HIRA: variants seen among roughly 807,000 people sequenced by gnomAD.
HIRA encodes protein HIRA.
A neutral mutation model predicts 126.6 loss-of-function variants in HIRA; 13 were observed. That is an observed-to-expected ratio of 0.10 (90% CI 0.07 to 0.16). The LOEUF (loss-of-function observed/expected upper bound fraction) is 0.16, where lower values mean the gene tolerates loss of function less well. Ranked by LOEUF, HIRA falls within the 10% of genes least tolerant of loss-of-function variation. The pLI is 1.00. For synonymous variants in HIRA, 511 were observed against 520.0 expected (o/e 0.98, Z 0.24); for missense variants, 834 against 1,314.4 (o/e 0.63, Z 5.65).
At chr22:19,387,174 A>C (rs905109986) in intron 11 of HIRA, among the ~76,000 whole-genome samples, 1 of 151,930 alleles carries the variant, frequency 6.6e-6, no homozygotes, top group Non-Finnish European at 1.5e-5. Flanking sequence ...GGCCTTGTTC[A>C]CTCTTCTGAC....
At chr22:19,350,053 T>C (rs1426897488) in intron 24 of HIRA, among the ~76,000 whole-genome samples, 1 of 152,004 alleles carries the variant, frequency 6.6e-6, no homozygotes, top group African/African-American at 2.4e-5. Context: ...AGTGGCGCGA[T>C]CTTGGCTCAC....
intron 5 of HIRA, chr22:19,399,153 A>C (rs2089247049): frequency 3.0e-6 from 3 of 985,404 alleles, no homozygotes; most frequent in Non-Finnish European, 3.6e-6. Flanking sequence ...TGAAGGGCGC[A>C]GTCTTAGTTA....
At chr22:19,358,915 G>T (rs976069027) in intron 18 of HIRA, among the ~76,000 whole-genome samples, 1 of 152,148 alleles carries the variant, frequency 6.6e-6, no homozygotes, top group Admixed American at 6.5e-5. Flanking sequence ...GCATGGGCTG[G>T]GATGGGGACT....
intron 15 of HIRA, among the ~76,000 whole-genome samples, chr22:19,368,291 C>T (rs541971553): frequency 6.6e-6 from 1 of 152,202 alleles, no homozygotes; most frequent in East Asian, 1.9e-4. Context: ...AGACAAGAGG[C>T]CCATGACGCT....
At chr22:19,396,663 G>A (rs1442094003) in intron 7 of HIRA, 124 bp downstream of exon 7, 2 of 913,542 alleles carry the variant, frequency 2.2e-6, no homozygotes, top group East Asian at 4.8e-5. Flanking sequence ...ATCCGCTCAG[G>A]CCCCCGGACT....
chr22:19,351,262 G>A lies in HIRA; in HGVS notation c.2937+96C>T, dbSNP rs1251056434. The stretch of plus-strand genomic sequence containing the variant: ...AGGCTGGGTGCTGGAGAAGTCTAAC[G>A]GGACACAATTTCAAAGCACTTTGGC... On this transcript the variant is annotated intron_variant, in intron 24 of 24. Transcript: ENST00000263208. The surrounding 1 kb of genome is among the most constrained non-coding windows in gnomAD (Gnocchi z 4.8). 9.0e-5 allele frequency: 135 copies of A among 1,502,992 alleles called. 2 individuals are homozygous for A. The Middle Eastern group carries it at 3.5e-3, about 39-fold the overall frequency. 93.1% of individuals were successfully genotyped at this position (1,502,992 alleles called of 1,614,324 possible).
chr22:19,354,172 C>T (rs2088787432), intron 21 of HIRA, 54 bp from the exon 22 acceptor site: 6 of 1,566,246 alleles, frequency 3.8e-6, no homozygotes, highest in Non-Finnish European at 4.3e-6. Flanking sequence ...ATCTGGTTGG[C>T]CTCTTTGCCA....
At chr22:19,427,165 G>C (rs1601866141) in intron 1 of HIRA, among the ~76,000 whole-genome samples, 1 of 152,170 alleles carries the variant, frequency 6.6e-6, no homozygotes, top group Non-Finnish European at 1.5e-5. Context: ...GCTATACGAT[G>C]TTTAACAGAT....
chr22:19,377,653 T>C lies in HIRA; in HGVS notation c.1613+216A>G, dbSNP rs148091411. ...CAGCCTGACCCTCGGTCAGCCTTGA[T>C]ACACTCTGTGAAATCCTCAACAGTC... is the stretch of plus-strand genomic sequence containing the variant. On this transcript the variant is annotated intron_variant, in intron 14 of 24. Transcript: ENST00000263208. Among the ~76,000 whole-genome samples the C allele has an allele frequency of 5.5e-3, 845 of 152,312 alleles. 9 individuals are homozygous for C. Among genetic ancestry groups the C allele is most frequent in the African/African-American group, 0.018 (762 of 41,558 alleles).
At chr22:19,335,737 T>C (rs569626594) in intron 24 of HIRA, among the ~76,000 whole-genome samples, 29 of 152,294 alleles carry the variant, frequency 1.9e-4, no homozygotes, top group African/African-American at 7.0e-4. Flanking sequence ...CTCTCTCATA[T>C]AGCAAAGTAT....
At chr22:19,373,379 T>C (rs1352419697) in intron 15 of HIRA, among the ~76,000 whole-genome samples, 2 of 152,218 alleles carry the variant, frequency 1.3e-5, no homozygotes, top group Non-Finnish European at 2.9e-5. Flanking sequence ...GAAACCTAAG[T>C]CTCCCAGTAA....
At position 19,431,632 on chromosome 22, in the gene HIRA, G is replaced by T; in HGVS notation, c.-156C>A. 1.4e-6 allele frequency: 1 copy of T among 699,750 alleles called. No homozygotes were observed. The highest frequency in any genetic ancestry group is 1.8e-6 in the Non-Finnish European group (1 of 555,280). The allele number at this position is 699,750 out of a possible 1,614,324, so 43.3% of individuals were successfully genotyped here. A position where few individuals can be genotyped will look rare whatever the true frequency, so the allele number is the denominator to read the frequency against. On this transcript the variant is annotated 5_prime_UTR_variant, in exon 1 of 25. Coordinates refer to ENST00000263208, the MANE Select transcript of HIRA (RefSeq NM_003325.4). ...GGCCGCCGCGCCATCGCCGGCCCGC[G>T]CCCCCCTCCGCCGCCACAGCCGCCA... is the stretch of plus-strand genomic sequence containing the variant.
At chr22:19,358,205 G>C (rs537253706) in intron 18 of HIRA, among the ~76,000 whole-genome samples, 35 of 152,138 alleles carry the variant, frequency 2.3e-4, no homozygotes, top group Non-Finnish European at 4.8e-4. Context: ...TCAATATGTT[G>C]GCCAGGCTGG....
chr22:19,389,446 T>C (rs552825557), intron 9 of HIRA, among the ~76,000 whole-genome samples: 4 of 152,252 alleles, frequency 2.6e-5, no homozygotes, highest in African/African-American at 7.2e-5. Context: ...TGGGCTCCCA[T>C]AGGTGCTGCT....
At chr22:19,331,809 A>G (rs2088491178) in intron 24 of HIRA, among the ~76,000 whole-genome samples, 1 of 152,200 alleles carries the variant, frequency 6.6e-6, no homozygotes, top group Admixed American at 6.5e-5. Flanking sequence ...ATCCGTGGGC[A>G]CAGCCACTGC....
chr22:19,352,254 C>A (rs551119128), intron 23 of HIRA, among the ~76,000 whole-genome samples: 8 of 151,680 alleles, frequency 5.3e-5, no homozygotes, highest in Admixed American at 6.6e-5. Flanking sequence ...GGTGGCGGGG[C>A]GGAGAGGAGG....
chr22:19,396,688 G>T (rs1208115776), intron 7 of HIRA, 99 bp downstream of exon 7: 8 of 1,265,794 alleles, frequency 6.3e-6, no homozygotes, highest in Non-Finnish European at 8.9e-6. Flanking sequence ...GCATTCCCCA[G>T]GTGGCCTGGC....
chr22:19,424,811 G>T (rs1196765995), intron 1 of HIRA, among the ~76,000 whole-genome samples: 1 of 152,130 alleles, frequency 6.6e-6, no homozygotes, highest in Non-Finnish European at 1.5e-5. Context: ...AGAGAATTTC[G>T]AGGGTAATCT....
In HIRA at chr22:19,351,714, A is replaced by G. The variant is rs1391797408; in HGVS notation, c.2849-268T>C. Among the ~76,000 whole-genome samples the G allele has an allele frequency of 6.6e-6, 1 of 152,098 alleles. No homozygotes were observed. Among genetic ancestry groups the G allele is most frequent in the East Asian group, 1.9e-4 (1 of 5,184 alleles). On this transcript the variant is annotated intron_variant, in intron 23 of 24. Coordinates refer to ENST00000263208, the MANE Select transcript of HIRA (RefSeq NM_003325.4). The surrounding 1 kb of genome is among the most constrained non-coding windows in gnomAD (Gnocchi z 4.8). ...TCTGTGTGTTGGGCCCAGAGGAAAA[A>G]CGAGATATGGCCAGTTCTGTGATAA...
Sources: gnomAD v4.1 joint callset for allele counts (sites outside exome capture counted in the v4.1 genomes callset) on GRCh38, gnomAD v4.1.1 for gene constraint, Gnocchi (gnomAD v3.1) non-coding constraint, MANE v1.5 for transcripts, NCBI Gene and HGNC (gene_info 2026-07-23, HGNC 2026-07-21) for gene names.